The following ATXN7L1 variants were observed in gnomAD, a reference collection of about 807,000 sequenced individuals.
The protein encoded by ATXN7L1 is ataxin 7 like 1.
ATXN7L1 carries 15 observed loss-of-function variants against 70.8 expected under a neutral mutation model. That is an observed-to-expected ratio of 0.21 (90% CI 0.14 to 0.33). The LOEUF (loss-of-function observed/expected upper bound fraction) is 0.33, where lower values mean the gene tolerates loss of function less well. Among genes scored for constraint, ATXN7L1 ranks in the 10% least tolerant of loss-of-function variants. The probability of loss-of-function intolerance (pLI) is 1.00; values close to 1 mark genes in which losing one functional copy is unlikely to be tolerated. For synonymous variants in ATXN7L1, 440 were observed against 445.1 expected (o/e 0.99, Z 0.14); for missense variants, 975 against 1,097.1 (o/e 0.89, Z 1.57).
At chr7:105,805,920 G>GC (rs1254612388) in intron 2 of ATXN7L1, among the ~76,000 whole-genome samples, 232 of 152,296 alleles carry the variant, frequency 1.5e-3, no homozygotes, top group Non-Finnish European at 2.5e-3. Context: ...TCATGAGTAT[G>GC]AGAGAGAGAA....
intron 3 of ATXN7L1, among the ~76,000 whole-genome samples, chr7:105,720,376 A>G (rs890317179): frequency 1.3e-3 from 191 of 152,228 alleles, no homozygotes; most frequent in Non-Finnish European, 1.0e-3. Context: ...TCTACTAAAA[A>G]AAAATACAAA....
chr7:105,797,123 G>A (rs780893541), intron 2 of ATXN7L1, among the ~76,000 whole-genome samples: 1 of 152,326 alleles, frequency 6.6e-6, no homozygotes, highest in African/African-American at 2.4e-5. Context: ...GTGAGCGTGC[G>A]GGTGCGTGCA....
chr7:105,761,525 A>ATT, intron 3 of ATXN7L1: 1 of 1,589,662 alleles, frequency 6.3e-7, no homozygotes, highest in Non-Finnish European at 8.6e-7. Context: ...TCCTTTGGAA[A>ATT]TTATATTTGT....
intron 7 of ATXN7L1, among the ~76,000 whole-genome samples, chr7:105,632,176 C>T (rs1306585023): frequency 6.6e-6 from 1 of 152,088 alleles, no homozygotes; most frequent in Non-Finnish European, 1.5e-5. Context: ...ACTGCCCAAC[C>T]AAACATCAAA....
At chr7:105,741,064 G>A (rs1399239870) in intron 3 of ATXN7L1, among the ~76,000 whole-genome samples, 3 of 152,100 alleles carry the variant, frequency 2.0e-5, no homozygotes, top group South Asian at 4.1e-4. Flanking sequence ...GCACCCGGCG[G>A]TTGCTCCATT....
intron 3 of ATXN7L1, among the ~76,000 whole-genome samples, chr7:105,716,673 A>G (rs1358963409): frequency 2.9e-4 from 9 of 31,374 alleles, no homozygotes; most frequent in Admixed American, 2.0e-3. Flanking sequence ...CTGCACACAC[A>G]CACACACACA....
In ATXN7L1 at chr7:105,875,880, T is replaced by G. The variant is rs1385343089; in HGVS notation, c.182A>C (p.Asn61Thr). ...IDAAKLHCSD[N>T]VDLEEAGKEG... ...TTTTCCAGCCTCTTCTAAATCTACA[T>G]CTGCAGATGAAAAAGAAAAGGAAAA... The change falls in exon 2 of 12, where the codon AAT becomes ACT. Residue 61 changes from asparagine to threonine, a missense_variant and splice_region_variant. Physicochemically the swap from Asn to Thr is moderately conservative, Grantham distance 65 (BLOSUM62 0). This residue lies in a region of ATXN7L1 where 135 missense variants were observed against 132.6 expected (regional missense o/e 1.02). Coordinates refer to ENST00000419735, the MANE Select transcript of ATXN7L1 (RefSeq NM_020725.2). 6.2e-7 allele frequency: 1 copy of G among 1,608,688 alleles called. No individual in the cohort carries two copies.
intron 3 of ATXN7L1, among the ~76,000 whole-genome samples, chr7:105,747,902 C>A (rs1489005284): frequency 6.6e-6 from 1 of 152,050 alleles, no homozygotes; most frequent in East Asian, 1.9e-4. Flanking sequence ...GGCGGATCAC[C>A]TGAGGTCAGG....
At chr7:105,741,815 T>C (rs968934781) in intron 3 of ATXN7L1, among the ~76,000 whole-genome samples, 1 of 152,142 alleles carries the variant, frequency 6.6e-6, no homozygotes, top group Non-Finnish European at 1.5e-5. Flanking sequence ...GAGAGTGACA[T>C]GCACAGCGAG....
At chr7:105,873,810 G>C (rs915398721) in intron 2 of ATXN7L1, among the ~76,000 whole-genome samples, 4 of 152,150 alleles carry the variant, frequency 2.6e-5, no homozygotes, top group Non-Finnish European at 5.9e-5. Flanking sequence ...GAGGAAAGGA[G>C]AGCTTTTCAT....
intron 6 of ATXN7L1, 141 bp from the exon 7 acceptor site, chr7:105,638,750 C>A: frequency 8.8e-7 from 1 of 1,132,206 alleles, no homozygotes; most frequent in South Asian, 1.7e-5. Context: ...AGCTCCTGTT[C>A]TGTGGCTAGG....
intron 2 of ATXN7L1, among the ~76,000 whole-genome samples, chr7:105,810,404 AAAC>A (rs570676801): frequency 1.2e-3 from 176 of 152,358 alleles, no homozygotes; most frequent in Non-Finnish European, 1.8e-3. Flanking sequence ...GACAAACAAC[AAAC>A]AATAAGTATT....
chr7:105,648,921 C>A (rs1799458043), intron 4 of ATXN7L1, among the ~76,000 whole-genome samples: 1 of 138,690 alleles, frequency 7.2e-6, no homozygotes, highest in South Asian at 2.1e-4. Flanking sequence ...AACGCAAACA[C>A]CTCCATGTGC....
At chr7:105,621,309 T>G (rs890747126) in intron 8 of ATXN7L1, among the ~76,000 whole-genome samples, 2 of 152,210 alleles carry the variant, frequency 1.3e-5, no homozygotes. Flanking sequence ...CTCATCTGAG[T>G]GATCTTCCCA....
At chr7:105,870,628 T>C (rs923644311) in intron 2 of ATXN7L1, among the ~76,000 whole-genome samples, 2 of 152,208 alleles carry the variant, frequency 1.3e-5, no homozygotes, top group Admixed American at 1.3e-4. Context: ...TATGAATTGG[T>C]ATTCTTTAAA....
chr7:105,851,756 A>G (rs996682434), intron 2 of ATXN7L1, among the ~76,000 whole-genome samples: 1 of 152,142 alleles, frequency 6.6e-6, no homozygotes, highest in Non-Finnish European at 1.5e-5. Flanking sequence ...TCCACAGGAA[A>G]GGAAAAGGAA....
chr7:105,630,713 T>A (rs1472432896), intron 7 of ATXN7L1, among the ~76,000 whole-genome samples: 1 of 106,310 alleles, frequency 9.4e-6, no homozygotes, highest in Non-Finnish European at 1.9e-5. Flanking sequence ...TGAGACCCTG[T>A]CTCAAAAAAT....
chr7:105,629,050 C>T (rs1162962535), intron 7 of ATXN7L1, among the ~76,000 whole-genome samples: 6 of 151,998 alleles, frequency 3.9e-5, no homozygotes, highest in African/African-American at 1.2e-4. Context: ...ACTGTATTCA[C>T]AGGAACTCCT....
chr7:105,696,623 C>T (rs560335011), intron 3 of ATXN7L1, among the ~76,000 whole-genome samples: 5 of 152,282 alleles, frequency 3.3e-5, no homozygotes, highest in South Asian at 2.1e-4. Context: ...TTAAAATGCG[C>T]TAATGGAGAG....
Sources: gnomAD v4.1 joint callset for allele counts (sites outside exome capture counted in the v4.1 genomes callset) on GRCh38, gnomAD v4.1.1 for gene constraint, gnomAD v4.1.1 regional missense constraint, MANE v1.5 for transcripts, NCBI Gene and HGNC (gene_info 2026-07-23, HGNC 2026-07-21) for gene names.